The following KIF13B variants were observed in gnomAD, a reference collection of about 807,000 sequenced individuals.
The protein encoded by KIF13B is kinesin-like protein KIF13B.
In KIF13B, 127 loss-of-function variants were observed where a neutral mutation model predicts 222.0. That is an observed-to-expected ratio of 0.57 (90% confidence interval 0.50 to 0.66). KIF13B has a LOEUF of 0.66. KIF13B is among the 30% of genes least tolerant of loss of function. The probability of loss-of-function intolerance (pLI) is 0.00; values close to 1 mark genes in which losing one functional copy is unlikely to be tolerated. For synonymous variants in KIF13B, 976 were observed against 919.0 expected (o/e 1.06, Z -1.12); for missense variants, 2,173 against 2,379.0 (o/e 0.91, Z 1.80).
intron 38 of KIF13B, among the ~76,000 whole-genome samples, 168 bp downstream of exon 38, chr8:29,075,113 A>C (rs1034988551): frequency 1.2e-4 from 19 of 152,268 alleles, no homozygotes; most frequent in African/African-American, 4.1e-4. Flanking sequence ...AAAATAGAAA[A>C]GTATAACAAG....
chr8:29,234,551 GT>G (rs948058404), intron 2 of KIF13B, among the ~76,000 whole-genome samples: 1 of 148,820 alleles, frequency 6.7e-6, no homozygotes, highest in Non-Finnish European at 1.5e-5. Flanking sequence ...CAGAGTTCCA[GT>G]TTTTAAGAAG....
intron 2 of KIF13B, among the ~76,000 whole-genome samples, chr8:29,201,982 A>G (rs1011008933): frequency 4.6e-5 from 7 of 152,244 alleles, no homozygotes; most frequent in African/African-American, 1.4e-4. Flanking sequence ...TCTCTGTAAG[A>G]AGTACAAATA....
chr8:29,234,500 C>T (rs993863757), intron 2 of KIF13B, among the ~76,000 whole-genome samples: 1 of 146,986 alleles, frequency 6.8e-6, no homozygotes, highest in African/African-American at 2.5e-5. Context: ...GTTGCCCAGG[C>T]CTAGGGGTGG....
chr8:29,181,879 T>C lies in KIF13B; in HGVS notation c.585+40A>G, dbSNP rs371481794. 1.2e-4 allele frequency: 179 copies of C among 1,444,260 alleles called. No homozygotes were observed. In the African/African-American group the frequency reaches 1.9e-3, roughly 15 times the overall value. 89.5% of individuals were successfully genotyped at this position (1,444,260 alleles called of 1,614,324 possible). On this transcript the variant is annotated intron_variant, in intron 7 of 39. Coordinates refer to ENST00000524189, the MANE Select transcript of KIF13B (RefSeq NM_015254.4). The stretch of plus-strand genomic sequence containing the variant: ...AAGAAAAAAAAGAGCCCCACCCTAC[T>C]ACACTAAATTTAAATAGTTCACATA...
intron 11 of KIF13B, among the ~76,000 whole-genome samples, chr8:29,166,169 T>C (rs1432598570): frequency 2.0e-5 from 3 of 152,182 alleles, no homozygotes; most frequent in Admixed American, 1.3e-4. Context: ...ACTAAATGTG[T>C]ACATGTTGCA....
chr8:29,151,105 G>A (rs1811278568), intron 14 of KIF13B, among the ~76,000 whole-genome samples: 1 of 152,196 alleles, frequency 6.6e-6, no homozygotes, highest in African/African-American at 2.4e-5. Flanking sequence ...TGATAAGGCT[G>A]AACAGTCTTC....
intron 21 of KIF13B, among the ~76,000 whole-genome samples, chr8:29,139,451 G>A (rs150076712): frequency 1.1e-4 from 16 of 152,212 alleles, no homozygotes; most frequent in South Asian, 2.1e-4. Context: ...TAATAAAAAT[G>A]AACCCTTCAG....
In KIF13B at chr8:29,071,162, G is replaced by C. The variant is rs1478349222; in HGVS notation, c.5219-396C>G. Among the ~76,000 whole-genome samples the C allele has an allele frequency of 6.6e-6, 1 of 152,218 alleles. No individual in the cohort carries two copies. The highest frequency in any genetic ancestry group is 1.5e-5 in the Non-Finnish European group (1 of 68,024). On this transcript the variant is annotated intron_variant, in intron 39 of 39. Coordinates refer to ENST00000524189, the MANE Select transcript of KIF13B (RefSeq NM_015254.4). This position sits in a 1 kb window ranked among gnomAD's most constrained non-coding sequence, Gnocchi z 4.9. ...GACCCAGGCCTGGGCTGGGTGGCGG[G>C]AGAATGGTTCTTTTGCTGAATCTAT...
At chr8:29,249,748 T>C (rs1816199334) in intron 1 of KIF13B, among the ~76,000 whole-genome samples, 1 of 152,206 alleles carries the variant, frequency 6.6e-6, no homozygotes, top group Non-Finnish European at 1.5e-5. Flanking sequence ...GGTCTCTCCT[T>C]TAGCCAACAC....
chr8:29,087,074 C>G (rs910410543), intron 37 of KIF13B, among the ~76,000 whole-genome samples: 1 of 152,236 alleles, frequency 6.6e-6, no homozygotes, highest in East Asian at 1.9e-4. Flanking sequence ...AACATCCACT[C>G]TGCTTCAGGC....
intron 37 of KIF13B, among the ~76,000 whole-genome samples, chr8:29,092,203 C>T (rs1257972162): frequency 6.6e-6 from 1 of 152,234 alleles, no homozygotes; most frequent in African/African-American, 2.4e-5. Flanking sequence ...ATAAGAGCAG[C>T]TTCCTGATTG....
At chr8:29,167,808 G>C (rs1812071889) in intron 10 of KIF13B, among the ~76,000 whole-genome samples, 2 of 152,172 alleles carry the variant, frequency 1.3e-5, no homozygotes, top group Admixed American at 6.5e-5. Flanking sequence ...ATAAAGGACG[G>C]GGAAATGTCA....
At chr8:29,126,558 A>C (rs1810118793) in intron 25 of KIF13B, 47 bp from the exon 26 acceptor site, 1 of 1,135,042 alleles carries the variant, frequency 8.8e-7, no homozygotes, top group Non-Finnish European at 1.3e-6. Context: ...TGATTTATCC[A>C]AGAATCAGGC....
chr8:29,213,911 G>A (rs1045264825), intron 2 of KIF13B, among the ~76,000 whole-genome samples: 2 of 152,030 alleles, frequency 1.3e-5, no homozygotes, highest in African/African-American at 2.4e-5. Flanking sequence ...CCGAGATTGA[G>A]CCACAGCACT....
At chr8:29,096,556 C>G (rs1808541280) in intron 36 of KIF13B, among the ~76,000 whole-genome samples, 1 of 152,014 alleles carries the variant, frequency 6.6e-6, no homozygotes, top group African/African-American at 2.4e-5. Flanking sequence ...AGTGCTAGGG[C>G]TACAGGTGGG....
chr8:29,172,951 T>C (rs1812312116), intron 10 of KIF13B, among the ~76,000 whole-genome samples: 1 of 151,752 alleles, frequency 6.6e-6, no homozygotes, highest in Non-Finnish European at 1.5e-5. Context: ...TGTCTTACTC[T>C]GTCACCAGGC....
At chr8:29,164,851 G>GC (rs1033253712) in intron 12 of KIF13B, among the ~76,000 whole-genome samples, 1 of 140,266 alleles carries the variant, frequency 7.1e-6, no homozygotes, top group Non-Finnish European at 1.6e-5. Flanking sequence ...ACCCTAACGT[G>GC]TTTTTTTTTT....
chr8:29,258,102 A>G (rs1003455587), intron 1 of KIF13B, among the ~76,000 whole-genome samples: 1 of 152,198 alleles, frequency 6.6e-6, no homozygotes, highest in African/African-American at 2.4e-5. Flanking sequence ...CACATCTGTC[A>G]GTGATCTCTC....
At chr8:29,114,231 CT>C (rs1465462159) in intron 31 of KIF13B, among the ~76,000 whole-genome samples, 1 of 152,158 alleles carries the variant, frequency 6.6e-6, no homozygotes, top group African/African-American at 2.4e-5. Flanking sequence ...GGGCACCGAG[CT>C]TTCACCCCAT....
Sources: allele counts gnomAD v4.1 joint callset (sites outside exome capture counted in the v4.1 genomes callset), GRCh38; gene constraint gnomAD v4.1.1; non-coding constraint Gnocchi (gnomAD v3.1); transcripts MANE v1.5; gene names NCBI Gene and HGNC (gene_info 2026-07-23, HGNC 2026-07-21).